The following RGS7BP variants were observed in gnomAD, a reference collection of about 807,000 sequenced individuals.
RGS7BP encodes regulator of G protein signaling 7-binding protein.
RGS7BP carries 9 observed loss-of-function variants against 31.3 expected under a neutral mutation model. The observed-to-expected ratio is 0.29, with a 90% CI of 0.17 to 0.50. The LOEUF is 0.50. Ranked by LOEUF, RGS7BP falls within the 20% of genes least tolerant of loss-of-function variation. RGS7BP has a pLI of 0.98. For missense variants in RGS7BP, 274 were observed against 322.0 expected (o/e 0.85, Z 1.14); for synonymous variants, 115 against 120.1 (o/e 0.96, Z 0.28).
Position 64,528,851 on chromosome 5 carries a change from T to TTAAA in RGS7BP, c.332+20974_332+20975insTAAA, listed in dbSNP as rs915035700. On this transcript the variant is annotated intron_variant, in intron 2 of 5. Transcript: ENST00000334025. ...AAAAAAAAAAAAGTGGGAGGGAGGA[T>TTAAA]AATAATGGCACCAATTTCACTGGGT... is the stretch of plus-strand genomic sequence containing the variant. Among the ~76,000 whole-genome samples, 7 of 130,720 alleles carry TTAAA rather than the reference T, an allele frequency of 5.4e-5. No individual in the cohort carries two copies. The South Asian group carries it at 1.3e-3, about 24-fold the overall frequency. The allele number at this position is 130,720 out of a possible 152,430, so 85.8% of individuals were successfully genotyped here.
chr5:64,549,288 G>A (rs1275191538), intron 2 of RGS7BP, among the ~76,000 whole-genome samples: 3 of 152,188 alleles, frequency 2.0e-5, no homozygotes, highest in African/African-American at 4.8e-5. Context: ...AAAAGGAAGG[G>A]GTGACAGGTC....
chr5:64,585,217 T>G (rs1742711063), intron 3 of RGS7BP, among the ~76,000 whole-genome samples: 1 of 152,096 alleles, frequency 6.6e-6, no homozygotes, highest in South Asian at 2.1e-4. Context: ...TGTAGGAAAT[T>G]TACTCCTGCC....
chr5:64,548,911 C>T (rs1372799951), intron 2 of RGS7BP, among the ~76,000 whole-genome samples: 1 of 150,912 alleles, frequency 6.6e-6, no homozygotes, highest in African/African-American at 2.5e-5. Flanking sequence ...TCACTAAATA[C>T]CATCACATTG....
intron 3 of RGS7BP, among the ~76,000 whole-genome samples, chr5:64,583,260 G>A (rs540883599): frequency 7.2e-5 from 11 of 152,150 alleles, no homozygotes; most frequent in African/African-American, 2.6e-4. Flanking sequence ...GTGGTGGTGG[G>A]TGCCTGTAAT....
chr5:64,607,654 G>T (rs1743398729), intron 5 of RGS7BP, among the ~76,000 whole-genome samples: 1 of 152,018 alleles, frequency 6.6e-6, no homozygotes, highest in Non-Finnish European at 1.5e-5. Flanking sequence ...AGCAAAAATA[G>T]ATTATAAATG....
chr5:64,547,280 GATA>G, intron 2 of RGS7BP, among the ~76,000 whole-genome samples: 1 of 152,268 alleles, frequency 6.6e-6, no homozygotes, highest in East Asian at 1.9e-4. Flanking sequence ...GCATAGGGTT[GATA>G]TATATTTAAC....
chr5:64,515,794 A>T, intron 2 of RGS7BP, among the ~76,000 whole-genome samples: 1 of 151,652 alleles, frequency 6.6e-6, no homozygotes, highest in East Asian at 1.9e-4. Context: ...AGGATAAAGT[A>T]TCTGAGCCTT....
chr5:64,571,655 G>A (rs1239508233), intron 2 of RGS7BP, among the ~76,000 whole-genome samples: 3 of 152,042 alleles, frequency 2.0e-5, no homozygotes, highest in East Asian at 3.9e-4. Context: ...CACAAAATAA[G>A]AATATTCACA....
At chr5:64,528,495 G>A (rs181422905) in intron 2 of RGS7BP, among the ~76,000 whole-genome samples, 25 of 152,214 alleles carry the variant, frequency 1.6e-4, no homozygotes, top group Non-Finnish European at 1.5e-4. Flanking sequence ...TATCCCCTGT[G>A]AGCCTGAGTT....
chr5:64,521,181 A>G (rs941188316), intron 2 of RGS7BP, among the ~76,000 whole-genome samples: 1 of 152,160 alleles, frequency 6.6e-6, no homozygotes, highest in Non-Finnish European at 1.5e-5. Flanking sequence ...CCATTTTGGC[A>G]TGGAATTCTT....
At chr5:64,560,957 T>C (rs1358475038) in intron 2 of RGS7BP, among the ~76,000 whole-genome samples, 1 of 152,166 alleles carries the variant, frequency 6.6e-6, no homozygotes, top group Non-Finnish European at 1.5e-5. Context: ...TTTTTGTGTG[T>C]GCAGAAAAGA....
intron 2 of RGS7BP, among the ~76,000 whole-genome samples, chr5:64,567,089 A>T (rs1205522688): frequency 6.6e-6 from 1 of 151,938 alleles, no homozygotes; most frequent in Non-Finnish European, 1.5e-5. Context: ...GAGATTTGAG[A>T]TGCTAATGAG....
chr5:64,564,858 G>A (rs562894614), intron 2 of RGS7BP, among the ~76,000 whole-genome samples: 169 of 152,098 alleles, frequency 1.1e-3, no homozygotes, highest in African/African-American at 3.7e-3. Context: ...CTAAAAGGGT[G>A]GCTATTCCTC....
At chr5:64,518,971 T>C (rs1749040400) in intron 2 of RGS7BP, among the ~76,000 whole-genome samples, 1 of 152,176 alleles carries the variant, frequency 6.6e-6, no homozygotes, top group Admixed American at 6.5e-5. Context: ...TTCCTGAATG[T>C]CTCAGCAGCC....
intron 4 of RGS7BP, among the ~76,000 whole-genome samples, chr5:64,597,535 G>A (rs1178868443): frequency 6.6e-6 from 1 of 151,494 alleles, no homozygotes; most frequent in Non-Finnish European, 1.5e-5. Context: ...ATAAGTGTTG[G>A]TCCTGGTGAA....
At chr5:64,600,036 T>C (rs1040867765) in intron 5 of RGS7BP, among the ~76,000 whole-genome samples, 1 of 152,152 alleles carries the variant, frequency 6.6e-6, no homozygotes, top group African/African-American at 2.4e-5. Flanking sequence ...CACCATCAAA[T>C]AGAGGAATCC....
At chr5:64,589,379 T>C (rs946505894) in intron 3 of RGS7BP, among the ~76,000 whole-genome samples, 1 of 151,920 alleles carries the variant, frequency 6.6e-6, no homozygotes, top group Non-Finnish European at 1.5e-5. Context: ...ATTAAACAAA[T>C]GATTGATAAT....
chr5:64,535,572 G>A (rs893957802), intron 2 of RGS7BP, among the ~76,000 whole-genome samples: 11 of 152,156 alleles, frequency 7.2e-5, no homozygotes, highest in Non-Finnish European at 1.3e-4. Flanking sequence ...AGAAAGAAAG[G>A]TTGATTATTA....
intron 3 of RGS7BP, among the ~76,000 whole-genome samples, chr5:64,588,549 A>G (rs1238548017): frequency 6.6e-6 from 1 of 152,226 alleles, no homozygotes; most frequent in Admixed American, 6.5e-5. Context: ...CAAAAAAACC[A>G]GCACAAATGC....
Sources: gnomAD v4.1 joint callset for allele counts (sites outside exome capture counted in the v4.1 genomes callset) on GRCh38, gnomAD v4.1.1 for gene constraint, MANE v1.5 for transcripts, NCBI Gene and HGNC (gene_info 2026-07-23, HGNC 2026-07-21) for gene names.